FAM83D: variants seen among roughly 807,000 people sequenced by gnomAD.
FAM83D encodes protein FAM83D.
In FAM83D, 26 loss-of-function variants were observed where a neutral mutation model predicts 25.4. That is an observed-to-expected ratio of 1.02 (90% CI 0.75 to 1.42). FAM83D has a LOEUF of 1.42. Ranked by LOEUF, FAM83D falls within the 40% of genes most tolerant of loss-of-function variation. FAM83D has a pLI of 0.00. For missense variants in FAM83D, 740 were observed against 758.1 expected, an observed-to-expected ratio of 0.98 and a Z score of 0.28; for synonymous variants, 310 against 318.5, an observed-to-expected ratio of 0.97 and a Z score of 0.28.
chr20:38,947,855 T>G (rs754184919), intron 2 of FAM83D, 21 bp from the exon 3 acceptor site: 1 of 1,612,568 alleles, frequency 6.2e-7, no homozygotes. Flanking sequence ...CATTTATATT[T>G]CTCCCACTCC....
chr20:38,949,720 G>A (rs78037856), intron 3 of FAM83D, among the ~76,000 whole-genome samples: 4 of 152,322 alleles, frequency 2.6e-5, no homozygotes, highest in East Asian at 1.9e-4. Context: ...TCATCTTGAC[G>A]TAGGAGCCAC....
At chr20:38,928,748 C>T (rs1004836736) in intron 1 of FAM83D, among the ~76,000 whole-genome samples, 4 of 152,308 alleles carry the variant, frequency 2.6e-5, no homozygotes, top group African/African-American at 9.6e-5. Flanking sequence ...TCTCCCTCAT[C>T]TCACGGGCAT....
At chr20:38,928,087 TAG>T (rs2085644085) in intron 1 of FAM83D, among the ~76,000 whole-genome samples, 1 of 152,198 alleles carries the variant, frequency 6.6e-6, no homozygotes, top group Admixed American at 6.5e-5. Context: ...GTGTGGCACA[TAG>T]AGTGTCGTGG....
At chr20:38,941,870 A>G (rs988522421) in intron 1 of FAM83D, 89 bp from the exon 2 acceptor site, 4 of 1,294,506 alleles carry the variant, frequency 3.1e-6, no homozygotes, top group Non-Finnish European at 4.4e-6. Context: ...ATCATTTCCC[A>G]GTTCTGAGTG....
At chr20:38,939,245 C>A (rs564128858) in intron 1 of FAM83D, among the ~76,000 whole-genome samples, 2 of 152,322 alleles carry the variant, frequency 1.3e-5, no homozygotes, top group South Asian at 2.1e-4. Context: ...AGCTCAAATG[C>A]CATCTCCTCC....
At position 38,941,240 on chromosome 20, in the gene FAM83D, A is replaced by G. The variant is rs2085700769; in HGVS notation, c.484-719A>G. ...AGGAGAGGCCAGTGCAGTGGAAGTC[A>G]TTTGGTTAGAACCTGCCCAACAGAC... On this transcript the variant is annotated intron_variant, in intron 1 of 3. Transcript: ENST00000619850. Among the ~76,000 whole-genome samples, 2 of 152,336 alleles carry G rather than the reference A, an allele frequency of 1.3e-5. 1 individual carries two copies. Among genetic ancestry groups the G allele is most frequent in the South Asian group, 4.1e-4 (2 of 4,826 alleles).
chr20:38,952,560 A>T lies in FAM83D; in HGVS notation c.*40A>T. 6.4e-7 allele frequency: 1 copy of T among 1,569,838 alleles called. No individual in the cohort carries two copies. On this transcript the variant is annotated 3_prime_UTR_variant, in exon 4 of 4. Coordinates refer to ENST00000619850, the MANE Select transcript of FAM83D (RefSeq NM_030919.3). Reference sequence around the variant, plus strand: ...GACTCCTGGTTTCTTCCAGGCTTACAGTGGACATCATCAGCTTCCTGCTTT... The same window carrying T: ...GACTCCTGGTTTCTTCCAGGCTTACTGTGGACATCATCAGCTTCCTGCTTT...
intron 1 of FAM83D, among the ~76,000 whole-genome samples, chr20:38,928,699 G>A (rs777215349): frequency 6.2e-4 from 94 of 152,186 alleles, no homozygotes; most frequent in Non-Finnish European, 1.0e-3. Flanking sequence ...TTAAACTCAC[G>A]TGCTGGCGTG....
chr20:38,938,930 A>G (rs1411712365), intron 1 of FAM83D, among the ~76,000 whole-genome samples: 1 of 152,220 alleles, frequency 6.6e-6, no homozygotes, highest in Non-Finnish European at 1.5e-5. Flanking sequence ...CTCTTCTGGC[A>G]TCAGTTTCTT....
chr20:38,947,936 A>G lies in FAM83D; in HGVS notation c.712A>G (p.Ile238Val). The change falls in exon 3 of 4, where the codon ATT becomes GTT. Residue 238 changes from isoleucine to valine, a missense_variant. By Grantham distance (29) the Ile-to-Val change is conservative (BLOSUM62 3). Coordinates refer to ENST00000619850, the MANE Select transcript of FAM83D (RefSeq NM_030919.3). ...CTATGCAAGGTCAGGAACTAAGATT[A>G]TTGGGAAGGTTCACGAAAAGTTCAC... ...IYYARSGTKI[I>V]GKVHEKFTLI... 6.2e-7 allele frequency: 1 copy of G among 1,614,226 alleles called. No homozygotes were observed. The highest frequency in any genetic ancestry group is 8.5e-7 in the Non-Finnish European group (1 of 1,180,040).
At chr20:38,944,973 C>T (rs1435271370) in intron 2 of FAM83D, among the ~76,000 whole-genome samples, 3 of 151,948 alleles carry the variant, frequency 2.0e-5, no homozygotes, top group Non-Finnish European at 2.9e-5. Flanking sequence ...CTCTGGCCTC[C>T]CCAGTTTTTG....
intron 1 of FAM83D, among the ~76,000 whole-genome samples, chr20:38,934,235 A>C (rs142968801): frequency 6.6e-6 from 1 of 152,232 alleles, no homozygotes; most frequent in East Asian, 1.9e-4. Flanking sequence ...TGACTTCTTT[A>C]TGGATAGAAG....
At chr20:38,942,817 C>T (rs2085708588) in intron 2 of FAM83D, among the ~76,000 whole-genome samples, 1 of 152,162 alleles carries the variant, frequency 6.6e-6, no homozygotes, top group Non-Finnish European at 1.5e-5. Context: ...CAGTTAAGCT[C>T]TTTAAAAGAA....
At chr20:38,936,655 A>G (rs746675233) in intron 1 of FAM83D, among the ~76,000 whole-genome samples, 7 of 152,172 alleles carry the variant, frequency 4.6e-5, no homozygotes, top group Non-Finnish European at 1.0e-4. Context: ...CTCCGGAGTC[A>G]CAGAGACCTG....
intron 2 of FAM83D, among the ~76,000 whole-genome samples, chr20:38,944,578 C>T (rs73908213): frequency 0.038 from 5,724 of 152,268 alleles, 330 homozygotes; most frequent in African/African-American, 0.13. Flanking sequence ...GAGCAGGCAC[C>T]GGTTCAGTTG....
intron 1 of FAM83D, among the ~76,000 whole-genome samples, chr20:38,927,344 G>A (rs910346958): frequency 2.0e-5 from 3 of 152,146 alleles, no homozygotes; most frequent in Non-Finnish European, 2.9e-5. Context: ...AAGAACTTAC[G>A]CAGGGAAAGT....
chr20:38,949,685 T>C (rs755496273), intron 3 of FAM83D, among the ~76,000 whole-genome samples: 2 of 152,160 alleles, frequency 1.3e-5, no homozygotes, highest in African/African-American at 4.8e-5. Flanking sequence ...GAAGGAAGCA[T>C]AGAAAGGTAC....
intron 1 of FAM83D, among the ~76,000 whole-genome samples, chr20:38,941,439 A>G (rs1262085526): frequency 6.6e-6 from 1 of 152,210 alleles, no homozygotes; most frequent in Non-Finnish European, 1.5e-5. Context: ...TCAAAACCAG[A>G]CAATAATTTA....
intron 1 of FAM83D, among the ~76,000 whole-genome samples, chr20:38,932,734 G>A (rs1411701611): frequency 6.6e-6 from 1 of 152,186 alleles, no homozygotes; most frequent in East Asian, 1.9e-4. Context: ...TTGGCTGTCC[G>A]GCTATTCCTG....
Sources: allele counts gnomAD v4.1 joint callset (sites outside exome capture counted in the v4.1 genomes callset), GRCh38; gene constraint gnomAD v4.1.1; transcripts MANE v1.5; gene names NCBI Gene and HGNC (gene_info 2026-07-23, HGNC 2026-07-21).